The following NMU variants were observed in gnomAD, a reference collection of about 807,000 sequenced individuals.
NMU encodes neuromedin U.
NMU carries 29 observed loss-of-function variants against 35.4 expected under a neutral mutation model. That is an observed-to-expected ratio of 0.82 (90% CI 0.61 to 1.12). The LOEUF (loss-of-function observed/expected upper bound fraction) is 1.12. Among genes scored for constraint, NMU ranks in the 50% most tolerant of loss-of-function variants. NMU has a pLI of 0.00. For synonymous variants in NMU, 78 were observed against 81.3 expected (o/e 0.96, Z 0.22); for missense variants, 199 against 206.2 (o/e 0.97, Z 0.21).
intron 3 of NMU, among the ~76,000 whole-genome samples, chr4:55,611,523 C>T (rs759099254): frequency 6.6e-6 from 1 of 152,152 alleles, no homozygotes. Flanking sequence ...CCTAGGCCTT[C>T]ACATTCACTC....
chr4:55,602,707 C>T (rs1162903690), intron 7 of NMU, among the ~76,000 whole-genome samples: 1 of 152,176 alleles, frequency 6.6e-6, no homozygotes, highest in African/African-American at 2.4e-5. Context: ...TTGATGACAA[C>T]TGCTTTTTTC....
At chr4:55,603,731 T>C (rs1341458257) in intron 7 of NMU, among the ~76,000 whole-genome samples, 1 of 151,074 alleles carries the variant, frequency 6.6e-6, no homozygotes, top group Non-Finnish European at 1.5e-5. Flanking sequence ...GCTTACACGG[T>C]GAAACTCCGT....
At chr4:55,599,244 A>C in intron 8 of NMU, 63 bp from the exon 9 acceptor site, 1 of 1,321,760 alleles carries the variant, frequency 7.6e-7, no homozygotes, top group East Asian at 2.3e-5. Flanking sequence ...CAGTCATAGA[A>C]ACAGATTGAT....
intron 2 of NMU, among the ~76,000 whole-genome samples, chr4:55,625,183 A>AG (rs1734475196): frequency 6.7e-6 from 1 of 149,266 alleles, no homozygotes; most frequent in African/African-American, 2.4e-5. Flanking sequence ...AAAAAAAAAA[A>AG]AAAAAAAAGA....
intron 2 of NMU, among the ~76,000 whole-genome samples, chr4:55,629,010 A>G (rs1199615541): frequency 6.6e-6 from 1 of 152,080 alleles, no homozygotes; most frequent in Non-Finnish European, 1.5e-5. Context: ...ATCAGTTGTT[A>G]AACAAATTTT....
At chr4:55,628,022 C>CA (rs1268128822) in intron 2 of NMU, among the ~76,000 whole-genome samples, 1 of 152,170 alleles carries the variant, frequency 6.6e-6, no homozygotes, top group South Asian at 2.1e-4. Context: ...AGGCCTTGGC[C>CA]AGTGATACAA....
Position 55,607,322 on chromosome 4 carries a change from C to G in NMU, c.336G>C (p.Gln112His). ...CCACAACATTTGACTTGCCCAACTT[C>G]TGTGTCTTCGAATAATGAAATAAGA... Reference protein sequence around the residue: ...KRFLFHYSKTQKLGKSNVVSS... With the variant: ...KRFLFHYSKTHKLGKSNVVSS... Residue 112 changes from glutamine (Q) to histidine (H), a missense_variant, in exon 6 of 10, where the codon CAG becomes CAC. Transcript: ENST00000264218. 1 of 1,608,384 alleles carries G rather than the reference C, an allele frequency of 6.2e-7. No homozygotes were observed. The highest frequency in any genetic ancestry group is 1.7e-4 in the Middle Eastern group (1 of 6,030).
chr4:55,636,258 C>T lies in NMU; in HGVS notation c.-66G>A, dbSNP rs1715924571. On this transcript the variant is annotated 5_prime_UTR_variant, in exon 1 of 10. The change creates a new upstream start codon in the 5' untranslated region. Transcript: ENST00000264218. This position sits in a 1 kb window ranked among gnomAD's most constrained non-coding sequence, Gnocchi z 4.0. The stretch of plus-strand genomic sequence containing the variant: ...TGCGCCACGCGTAGCTGGTGCTCCA[C>T]CTGGTGCCCTGGCTGTGCCTCGGGG... 2 of 1,408,458 alleles carry T rather than the reference C, an allele frequency of 1.4e-6. No homozygotes were observed. Among genetic ancestry groups the T allele is most frequent in the Non-Finnish European group, 1.8e-6 (2 of 1,091,568 alleles). 87.2% of individuals were successfully genotyped at this position (1,408,458 alleles called of 1,614,324 possible). A position where few individuals can be genotyped will look rare whatever the true frequency, so the allele number is the denominator to read the frequency against.
rs1025429732 is a variant in NMU at position 55,618,874 on chromosome 4, TTCTC to T, written c.172-2493_172-2490del. Among the ~76,000 whole-genome samples, 31 of 150,138 alleles carry T rather than the reference TTCTC, an allele frequency of 2.1e-4. 1 individual carries two copies. The highest frequency in any genetic ancestry group is 1.6e-3 in the East Asian group (8 of 5,156). On this transcript the variant is annotated intron_variant, in intron 2 of 9. Coordinates refer to ENST00000264218, the MANE Select transcript of NMU (RefSeq NM_006681.4). ...CTTTCTTCTCTCTCTCTTTCTTTCT[TTCTC>T]TCTTTCTTTTTTTTTTTTTGTCTGG...
At chr4:55,632,956 A>G (rs967761934) in intron 1 of NMU, among the ~76,000 whole-genome samples, 2 of 148,336 alleles carry the variant, frequency 1.3e-5, no homozygotes, top group African/African-American at 5.0e-5. Flanking sequence ...ACACGTAAAC[A>G]CAGTTTCACT....
intron 7 of NMU, among the ~76,000 whole-genome samples, chr4:55,603,721 G>C (rs2110185571): frequency 6.6e-6 from 1 of 151,346 alleles, no homozygotes; most frequent in Admixed American, 6.6e-5. Flanking sequence ...GACCATCCTG[G>C]CTTACACGGT....
intron 6 of NMU, among the ~76,000 whole-genome samples, chr4:55,605,747 A>G (rs1733658087): frequency 6.6e-6 from 1 of 152,262 alleles, no homozygotes; most frequent in African/African-American, 2.4e-5. Context: ...ATTTTCCACT[A>G]TAAACATGTT....
At chr4:55,625,149 C>A (rs1734470766) in intron 2 of NMU, among the ~76,000 whole-genome samples, 1 of 113,146 alleles carries the variant, frequency 8.8e-6, no homozygotes, top group Non-Finnish European at 1.8e-5. Context: ...GCACATGTAC[C>A]CTAAAACTTA....
intron 2 of NMU, among the ~76,000 whole-genome samples, chr4:55,627,741 C>A (rs1209198227): frequency 1.3e-5 from 2 of 152,188 alleles, no homozygotes; most frequent in African/African-American, 2.4e-5. Flanking sequence ...CCTGAACTCT[C>A]AAACGAGTTC....
At chr4:55,617,277 A>G (rs555496974) in intron 2 of NMU, among the ~76,000 whole-genome samples, 15 of 152,312 alleles carry the variant, frequency 9.8e-5, no homozygotes, top group Non-Finnish European at 1.6e-4. Context: ...CAAGTTGAAC[A>G]TGTCCTAAAA....
chr4:55,613,613 CT>C (rs1734015673), intron 3 of NMU, among the ~76,000 whole-genome samples: 2 of 152,140 alleles, frequency 1.3e-5, no homozygotes, highest in Admixed American at 6.5e-5. Context: ...TCACGCCCCC[CT>C]GTATCCATTG....
intron 7 of NMU, among the ~76,000 whole-genome samples, chr4:55,604,939 T>A (rs1733619341): frequency 6.6e-6 from 1 of 152,058 alleles, no homozygotes; most frequent in Non-Finnish European, 1.5e-5. Context: ...GTTCTCTTAT[T>A]CCTACCTAAG....
intron 7 of NMU, among the ~76,000 whole-genome samples, chr4:55,603,215 A>T (rs1376479284): frequency 1.7e-3 from 264 of 151,616 alleles, no homozygotes; most frequent in African/African-American, 6.3e-3. Context: ...TTTCATCATG[A>T]TGGACAGGCT....
intron 2 of NMU, among the ~76,000 whole-genome samples, chr4:55,618,652 TCTC>T (rs1490092104): frequency 6.6e-6 from 1 of 151,632 alleles, no homozygotes; most frequent in Non-Finnish European, 1.5e-5. Context: ...TCTCTTTCTT[TCTC>T]ATCTTTCTTC....
Sources: gnomAD v4.1 joint callset for allele counts (sites outside exome capture counted in the v4.1 genomes callset) on GRCh38, gnomAD v4.1.1 for gene constraint, Gnocchi (gnomAD v3.1) non-coding constraint, MANE v1.5 for transcripts, NCBI Gene and HGNC (gene_info 2026-07-23, HGNC 2026-07-21) for gene names.